Variants in EBF1 observed in about 807,000 individuals in gnomAD.
EBF1 encodes transcription factor COE1.
In EBF1, 10 loss-of-function variants were observed where a neutral mutation model predicts 68.4. That is an observed-to-expected ratio of 0.15 (90% CI 0.09 to 0.25). The LOEUF (loss-of-function observed/expected upper bound fraction) is 0.25. Among genes scored for constraint, EBF1 ranks in the 10% least tolerant of loss-of-function variants. The pLI is 1.00. For missense variants in EBF1, 509 were observed against 794.4 expected (o/e 0.64, Z 4.32); for synonymous variants, 298 against 299.8 (o/e 0.99, Z 0.06).
At chr5:158,926,737 AAAAAG>A (rs1268897673) in intron 6 of EBF1, among the ~76,000 whole-genome samples, 2 of 151,898 alleles carry the variant, frequency 1.3e-5, no homozygotes, top group African/African-American at 2.4e-5. Flanking sequence ...CAAAAAAAAA[AAAAAG>A]AAAAGAAAAA....
chr5:158,996,414 T>C (rs1188600053), intron 6 of EBF1, among the ~76,000 whole-genome samples: 2 of 152,228 alleles, frequency 1.3e-5, no homozygotes, highest in Non-Finnish European at 2.9e-5. Context: ...AAGATTGTTG[T>C]CTAGATTTGG....
chr5:158,926,677 T>C (rs1335020648), intron 6 of EBF1, among the ~76,000 whole-genome samples: 4 of 150,862 alleles, frequency 2.7e-5, no homozygotes, highest in Middle Eastern at 3.2e-3. Context: ...TGAGCCAAGA[T>C]TGAGCCACTG....
At chr5:159,043,822 CT>C (rs1771754262) in intron 6 of EBF1, among the ~76,000 whole-genome samples, 1 of 152,178 alleles carries the variant, frequency 6.6e-6, no homozygotes, top group Non-Finnish European at 1.5e-5. Context: ...TTCTCTGCTT[CT>C]GCTTCGGCTC....
At chr5:158,750,789 TA>T (rs920847537) in intron 10 of EBF1, among the ~76,000 whole-genome samples, 13 of 151,478 alleles carry the variant, frequency 8.6e-5, no homozygotes, top group East Asian at 3.9e-4. Flanking sequence ...TTAGGGCATT[TA>T]AAAAAAAATC....
intron 5 of EBF1, among the ~76,000 whole-genome samples, chr5:159,082,647 G>T (rs1022157450): frequency 6.6e-6 from 1 of 152,166 alleles, no homozygotes; most frequent in Non-Finnish European, 1.5e-5. Context: ...CAATTTAAAA[G>T]ACTGTTAGCC....
chr5:159,084,221 G>A (rs923165019), intron 5 of EBF1, among the ~76,000 whole-genome samples: 1 of 151,904 alleles, frequency 6.6e-6, no homozygotes, highest in Non-Finnish European at 1.5e-5. Flanking sequence ...AAGTGTGGAC[G>A]TCATATTTTC....
intron 10 of EBF1, among the ~76,000 whole-genome samples, chr5:158,747,474 A>G (rs1476783422): frequency 6.6e-6 from 1 of 152,204 alleles, no homozygotes; most frequent in African/African-American, 2.4e-5. Context: ...TTCAGATGAC[A>G]TCTTCATATA....
At chr5:158,761,812 G>A (rs1327818293) in intron 10 of EBF1, among the ~76,000 whole-genome samples, 1 of 152,076 alleles carries the variant, frequency 6.6e-6, no homozygotes, top group Non-Finnish European at 1.5e-5. Flanking sequence ...TTTAGAAAAT[G>A]GGAGAATATT....
chr5:159,041,237 T>C (rs1355267661), intron 6 of EBF1, among the ~76,000 whole-genome samples: 2 of 152,206 alleles, frequency 1.3e-5, no homozygotes, highest in East Asian at 1.9e-4. Flanking sequence ...TATGAAAACA[T>C]AGCAAACACT....
intron 6 of EBF1, among the ~76,000 whole-genome samples, chr5:159,071,399 A>G (rs1031209156): frequency 6.6e-6 from 1 of 152,226 alleles, no homozygotes; most frequent in Non-Finnish European, 1.5e-5. Flanking sequence ...GTCATGAGTA[A>G]TATCCCCAAA....
At chr5:158,706,979 A>C (rs1166149939) in intron 15 of EBF1, among the ~76,000 whole-genome samples, 1 of 152,238 alleles carries the variant, frequency 6.6e-6, no homozygotes, top group Non-Finnish European at 1.5e-5. Context: ...TCTCCCTACC[A>C]GCTGCCTTAG....
At chr5:158,972,170 T>C (rs975367988) in intron 6 of EBF1, among the ~76,000 whole-genome samples, 3 of 152,124 alleles carry the variant, frequency 2.0e-5, no homozygotes, top group African/African-American at 7.2e-5. Flanking sequence ...TGACAGGCCA[T>C]TGTCTTTCCT....
intron 15 of EBF1, among the ~76,000 whole-genome samples, chr5:158,706,267 C>T (rs1757857565): frequency 6.9e-6 from 1 of 145,330 alleles, no homozygotes; most frequent in African/African-American, 2.6e-5. Context: ...GAGCGGCGTG[C>T]TCTGTGGGGC....
chr5:158,698,921 G>A lies in EBF1; in HGVS notation c.*190C>T. 1 of 469,184 alleles carries A rather than the reference G, an allele frequency of 2.1e-6. No individual in the cohort carries two copies. Among genetic ancestry groups the A allele is most frequent in the African/African-American group, 2.0e-5 (1 of 49,658 alleles). The allele number at this position is 469,184 out of a possible 1,614,324, so 29.1% of individuals were successfully genotyped here. ...GAGGTACAACTTTAACCAACACCCTGCACTTGCAGATCCCTCTTCCAATTT... is the reference window on the plus strand; with the variant it reads ...GAGGTACAACTTTAACCAACACCCTACACTTGCAGATCCCTCTTCCAATTT... On this transcript the variant is annotated 3_prime_UTR_variant, in exon 16 of 16. Transcript: ENST00000313708.
At chr5:159,013,267 A>C (rs1272852538) in intron 6 of EBF1, among the ~76,000 whole-genome samples, 1 of 152,214 alleles carries the variant, frequency 6.6e-6, no homozygotes, top group Non-Finnish European at 1.5e-5. Context: ...AAGCACAGGG[A>C]ACAAGAAGGT....
chr5:158,810,865 TTC>T (rs1310785499), intron 8 of EBF1, among the ~76,000 whole-genome samples: 1 of 152,186 alleles, frequency 6.6e-6, no homozygotes, highest in Non-Finnish European at 1.5e-5. Flanking sequence ...ATGTTAGTGC[TTC>T]TGTTATAACT....
intron 6 of EBF1, among the ~76,000 whole-genome samples, chr5:158,933,202 T>G (rs1187051071): frequency 6.6e-6 from 1 of 152,104 alleles, no homozygotes; most frequent in African/African-American, 2.4e-5. Context: ...ACATGTAAAC[T>G]TTTTCCCAGA....
At chr5:158,938,068 A>G (rs1452142374) in intron 6 of EBF1, among the ~76,000 whole-genome samples, 1 of 152,216 alleles carries the variant, frequency 6.6e-6, no homozygotes, top group Non-Finnish European at 1.5e-5. Flanking sequence ...CTCCGGCTCA[A>G]GTGCCTTGGT....
chr5:158,996,023 G>A (rs1335561963), intron 6 of EBF1, among the ~76,000 whole-genome samples: 1 of 152,066 alleles, frequency 6.6e-6, no homozygotes, highest in East Asian at 1.9e-4. Flanking sequence ...CTAGCTGTCT[G>A]GCCTCCAGCC....
Sources: allele counts gnomAD v4.1 joint callset (sites outside exome capture counted in the v4.1 genomes callset), GRCh38; gene constraint gnomAD v4.1.1; transcripts MANE v1.5; gene names NCBI Gene and HGNC (gene_info 2026-07-23, HGNC 2026-07-21).